Variants in WDSUB1 observed in about 807,000 individuals in gnomAD.
WDSUB1 encodes the protein WD repeat, sterile alpha motif and U-box domain containing 1.
A neutral mutation model predicts 53.9 loss-of-function variants in WDSUB1; 49 were observed. That is an observed-to-expected ratio of 0.91 (90% CI 0.72 to 1.15). The LOEUF (loss-of-function observed/expected upper bound fraction) is 1.15. Ranked by LOEUF, WDSUB1 falls within the 50% of genes most tolerant of loss-of-function variation. The pLI is 0.00. For missense variants in WDSUB1, 514 were observed against 562.0 expected (o/e 0.91, Z 0.86); for synonymous variants, 194 against 200.6 (o/e 0.97, Z 0.28).
At chr2:159,260,803 T>TA (rs1424764590) in intron 5 of WDSUB1, among the ~76,000 whole-genome samples, 2 of 152,190 alleles carry the variant, frequency 1.3e-5, no homozygotes, top group African/African-American at 4.8e-5. Context: ...GCCAGAACAA[T>TA]ATACACTACA....
At chr2:159,242,721 A>T (rs7605604) in intron 10 of WDSUB1, among the ~76,000 whole-genome samples, 66,883 of 147,174 alleles carry the variant, frequency 0.45, 18,257 homozygotes, top group Non-Finnish European at 0.55. Context: ...TGGAAAAATA[A>T]CTAGAAGGAT....
In WDSUB1 at chr2:159,250,088, CAAAAAA is replaced by C. The variant is rs374038625; in HGVS notation, c.1133-1582_1133-1577del. On this transcript the variant is annotated intron_variant, in intron 9 of 10. Transcript: ENST00000359774. Reference sequence around the variant, plus strand: ...TGGGCGACACAGTGAGACTCTGCCTCAAAAAAAAAAAAAAAAAAAGAAGGGAAGGGA... The same window carrying C: ...TGGGCGACACAGTGAGACTCTGCCTCAAAAAAAAAAAAAGAAGGGAAGGGA... Among the ~76,000 whole-genome samples, 122 of 83,536 alleles carry C rather than the reference CAAAAAA, an allele frequency of 1.5e-3. 4 individuals carry two copies. The highest frequency in any genetic ancestry group is 4.1e-3 in the African/African-American group (116 of 28,138). 54.8% of individuals were successfully genotyped at this position (83,536 alleles called of 152,430 possible).
At chr2:159,262,560 C>G (rs2061249945) in intron 5 of WDSUB1, among the ~76,000 whole-genome samples, 2 of 152,050 alleles carry the variant, frequency 1.3e-5, no homozygotes, top group Non-Finnish European at 2.9e-5. Context: ...CATGAACAGA[C>G]CTGCAGGCTC....
At position 159,257,927 on chromosome 2, in the gene WDSUB1, G is replaced by T; in HGVS notation, c.845+18C>A. On this transcript the variant is annotated intron_variant, in intron 7 of 10. Transcript: ENST00000359774. ...AATTTTTAAATTATATTAATACAAG[G>T]TGAGGTTAAGTTCAGACCTGGTGTG... is the stretch of plus-strand genomic sequence containing the variant. 6.2e-7 allele frequency: 1 copy of T among 1,612,064 alleles called. No homozygotes were observed. Among genetic ancestry groups the T allele is most frequent in the Non-Finnish European group, 8.5e-7 (1 of 1,178,388 alleles).
rs1177221187 is a variant in WDSUB1 at position 159,242,718 on chromosome 2, A to G, written c.1273+5654T>C. ...TAAGACACTATAAATGGATGGAAAA[A>G]TAACTAGAAGGATACACCTAAACCG... On this transcript the variant is annotated intron_variant, in intron 10 of 10. Transcript: ENST00000359774. Among the ~76,000 whole-genome samples, 2 of 147,992 alleles carry G rather than the reference A, an allele frequency of 1.4e-5. 1 individual carries two copies. The highest frequency in any genetic ancestry group is 5.2e-5 in the African/African-American group (2 of 38,104).
intron 6 of WDSUB1, 23 bp downstream of exon 6, chr2:159,259,784 TCAC>T (rs764093766): frequency 7.9e-6 from 12 of 1,510,290 alleles, no homozygotes; most frequent in African/African-American, 4.2e-5. Context: ...CTTTCATAGA[TCAC>T]CACAAGATTT....
chr2:159,256,264 A>T lies in WDSUB1; in HGVS notation c.1064T>A (p.Met355Lys), dbSNP rs777620077. 1 of 1,612,112 alleles carries T rather than the reference A, an allele frequency of 6.2e-7. No homozygotes were observed. The highest frequency in any genetic ancestry group is 1.1e-5 in the South Asian group (1 of 90,352). ...DLKDLVGIFK[M>K]NNIDGKELLN... is the part of the protein sequence containing the mutation. ...CAGTTCTTTTCCATCAATGTTATTCATCTTGAAAATACCAACAAGATCTTT... is the reference window on the plus strand; with the variant it reads ...CAGTTCTTTTCCATCAATGTTATTCTTCTTGAAAATACCAACAAGATCTTT... The change falls in exon 9 of 11, where the codon ATG (methionine) becomes AAG (lysine). Residue 355 changes from methionine to lysine, a missense_variant. Coordinates refer to ENST00000359774, the MANE Select transcript of WDSUB1 (RefSeq NM_001128212.3).
intron 4 of WDSUB1, among the ~76,000 whole-genome samples, chr2:159,274,282 T>A (rs1030595461): frequency 6.6e-6 from 1 of 152,100 alleles, no homozygotes; most frequent in Non-Finnish European, 1.5e-5. Context: ...GGTGGGAGGA[T>A]CATTTGAGGC....
intron 10 of WDSUB1, among the ~76,000 whole-genome samples, chr2:159,244,928 TC>T (rs2060755442): frequency 6.6e-6 from 1 of 152,146 alleles, no homozygotes; most frequent in Non-Finnish European, 1.5e-5. Flanking sequence ...AGACCTCATC[TC>T]TAAAAAGTAA....
Position 159,248,221 on chromosome 2 carries a change from A to G in WDSUB1, c.1273+151T>C, listed in dbSNP as rs192100943. On this transcript the variant is annotated intron_variant, in intron 10 of 10. Coordinates refer to ENST00000359774, the MANE Select transcript of WDSUB1 (RefSeq NM_001128212.3). Reference sequence around the variant, plus strand: ...TCTGTTCAATTTCATTATGAAATATACAATATTCATTTGTTCACCCAAGGT... The same window carrying G: ...TCTGTTCAATTTCATTATGAAATATGCAATATTCATTTGTTCACCCAAGGT... 3.1e-4 allele frequency: 256 copies of G among 821,020 alleles called. 1 individual carries two copies. The African/African-American group carries it at 4.0e-3, about 13-fold the overall frequency. The allele number at this position is 821,020 out of a possible 1,614,324, so 50.9% of individuals were successfully genotyped here.
At chr2:159,279,294 T>C (rs951987346) in intron 3 of WDSUB1, among the ~76,000 whole-genome samples, 2 of 152,236 alleles carry the variant, frequency 1.3e-5, no homozygotes, top group Non-Finnish European at 2.9e-5. Context: ...AAAAAACTAA[T>C]TGTGTTGGCA....
intron 5 of WDSUB1, among the ~76,000 whole-genome samples, chr2:159,265,126 A>AACAAC (rs1558861064): frequency 0.044 from 6,221 of 140,244 alleles, 467 homozygotes; most frequent in African/African-American, 0.16. Context: ...ACAACAACAA[A>AACAAC]AAAAAACAAC....
At chr2:159,270,478 A>G (rs1477355339) in intron 5 of WDSUB1, among the ~76,000 whole-genome samples, 1 of 152,224 alleles carries the variant, frequency 6.6e-6, no homozygotes, top group Non-Finnish European at 1.5e-5. Context: ...ATGATATTAG[A>G]GCAAGGACAG....
At chr2:159,256,087 T>C in intron 9 of WDSUB1, 109 bp downstream of exon 9, 1 of 996,424 alleles carries the variant, frequency 1.0e-6, no homozygotes, top group Non-Finnish European at 1.4e-6. Context: ...GATGGGTCAT[T>C]AGTGTAGTGC....
At chr2:159,278,917 G>A (rs2061596755) in intron 3 of WDSUB1, among the ~76,000 whole-genome samples, 1 of 152,132 alleles carries the variant, frequency 6.6e-6, no homozygotes, top group African/African-American at 2.4e-5. Flanking sequence ...GGGTATCAAA[G>A]ACTTGAAATG....
chr2:159,236,060 A>G lies in WDSUB1; in HGVS notation c.1404T>C (p.Asn468=), dbSNP rs2060470530. The part of the protein sequence containing the change: ...TPNRTLKMAI[N]RWLETHQK Reference sequence around the variant, plus strand: ...ACTTTTGGTGTGTCTCCAGCCATCTATTGATGGCCATTTTCAGAGTCCTAT... The same window carrying G: ...ACTTTTGGTGTGTCTCCAGCCATCTGTTGATGGCCATTTTCAGAGTCCTAT... The change falls in exon 11 of 11, where the codon AAT becomes AAC. Residue 468 remains asparagine (N), a synonymous_variant. Transcript: ENST00000359774. 2 of 1,609,442 alleles carry G rather than the reference A, an allele frequency of 1.2e-6. No homozygotes were observed. The highest frequency in any genetic ancestry group is 8.5e-7 in the Non-Finnish European group (1 of 1,178,822).
chr2:159,278,293 A>G (rs1201044192), intron 3 of WDSUB1, among the ~76,000 whole-genome samples: 1 of 152,210 alleles, frequency 6.6e-6, no homozygotes, highest in Non-Finnish European at 1.5e-5. Flanking sequence ...GAGGGAGTTT[A>G]ACGTAAGAAT....
chr2:159,285,084 C>T (rs1414400917), intron 1 of WDSUB1, among the ~76,000 whole-genome samples: 1 of 152,218 alleles, frequency 6.6e-6, no homozygotes, highest in Non-Finnish European at 1.5e-5. Flanking sequence ...GGATGTAAAT[C>T]CCAAAGGAGT....
At chr2:159,252,009 C>T (rs1057161227) in intron 9 of WDSUB1, among the ~76,000 whole-genome samples, 6 of 152,062 alleles carry the variant, frequency 3.9e-5, no homozygotes, top group East Asian at 1.9e-4. Flanking sequence ...CAAGACAGCA[C>T]GAGAGCCTGG....
Sources: allele counts gnomAD v4.1 joint callset (sites outside exome capture counted in the v4.1 genomes callset), GRCh38; gene constraint gnomAD v4.1.1; transcripts MANE v1.5; gene names NCBI Gene and HGNC (gene_info 2026-07-23, HGNC 2026-07-21).